UBN2: variants seen among roughly 807,000 people sequenced by gnomAD.
The protein encoded by UBN2 is ubinuclein 2.
A neutral mutation model predicts 120.2 loss-of-function variants in UBN2; 35 were observed. That is an observed-to-expected ratio of 0.29 (90% CI 0.22 to 0.39). The LOEUF (loss-of-function observed/expected upper bound fraction) is 0.39, where lower values mean the gene tolerates loss of function less well. Ranked by LOEUF, UBN2 falls within the 10% of genes least tolerant of loss-of-function variation. UBN2 has a pLI of 1.00. For missense variants in UBN2, 1,693 were observed against 1,663.2 expected (o/e 1.02, Z -0.31); for synonymous variants, 661 against 648.7 (o/e 1.02, Z -0.29).
At chr7:139,247,336 T>C (rs571295972) in intron 2 of UBN2, among the ~76,000 whole-genome samples, 5 of 152,174 alleles carry the variant, frequency 3.3e-5, no homozygotes, top group Non-Finnish European at 5.9e-5. Context: ...TGAACAAAAT[T>C]GGAATGTCAA....
intron 9 of UBN2, among the ~76,000 whole-genome samples, chr7:139,272,645 G>A (rs1797316104): frequency 6.6e-6 from 1 of 152,070 alleles, no homozygotes; most frequent in Admixed American, 6.6e-5. Context: ...TCCTGCCTCA[G>A]CCTCACAAGT....
chr7:139,293,268 C>A lies in UBN2; in HGVS notation c.3706C>A (p.Pro1236Thr). The A allele has an allele frequency of 6.2e-7, 1 of 1,614,226 alleles. No homozygotes were observed. The highest frequency in any genetic ancestry group is 2.2e-5 in the East Asian group (1 of 44,894). ...AGCATCATTATTGGCTAATGCCTCA[C>A]CTCTGACTCTCATGACATCACCTTT... ...AGASLLANAS[P>T]LTLMTSPLSV... Residue 1236 changes from proline (P) to threonine (T), a missense_variant, in exon 16 of 18, where the codon CCT becomes ACT. By Grantham distance (38) the Pro-to-Thr change is conservative (BLOSUM62 -1). Coordinates refer to ENST00000473989, the MANE Select transcript of UBN2 (RefSeq NM_173569.4).
intron 2 of UBN2, among the ~76,000 whole-genome samples, chr7:139,239,777 G>A (rs1333964835): frequency 1.3e-5 from 2 of 151,984 alleles, no homozygotes; most frequent in African/African-American, 4.8e-5. Context: ...GGCTGGTCTC[G>A]AACTCCTGAT....
chr7:139,273,606 A>G (rs1797354657), intron 10 of UBN2, among the ~76,000 whole-genome samples, 196 bp downstream of exon 10: 1 of 152,222 alleles, frequency 6.6e-6, no homozygotes, highest in Admixed American at 6.5e-5. Context: ...TATACACTGT[A>G]ATACTTTTTA....
intron 8 of UBN2, among the ~76,000 whole-genome samples, chr7:139,270,476 A>G (rs188792460): frequency 5.2e-4 from 79 of 152,212 alleles, no homozygotes; most frequent in African/African-American, 1.8e-3. Context: ...CATGTTGGCC[A>G]GGCTGGGGTC....
chr7:139,298,231 A>G lies in UBN2; in HGVS notation c.*395A>G, dbSNP rs889530649. The G allele has an allele frequency of 2.2e-5, 4 of 178,190 alleles. No homozygotes were observed. The highest frequency in any genetic ancestry group is 5.8e-5 in the Admixed American group (1 of 17,180). 11.0% of individuals were successfully genotyped at this position (178,190 alleles called of 1,614,324 possible). A position where few individuals can be genotyped will look rare whatever the true frequency, so the allele number is the denominator to read the frequency against. On this transcript the variant is annotated 3_prime_UTR_variant, in exon 18 of 18. Coordinates refer to ENST00000473989, the MANE Select transcript of UBN2 (RefSeq NM_173569.4). The stretch of plus-strand genomic sequence containing the variant: ...CTGAACACTTACAGACATAATTGGT[A>G]ATAAAAGGCATTAAAAACTGGAATT...
chr7:139,251,657 T>C (rs1459582282), intron 2 of UBN2, among the ~76,000 whole-genome samples: 1 of 152,244 alleles, frequency 6.6e-6, no homozygotes, highest in Non-Finnish European at 1.5e-5. Context: ...GTGCAGTTTT[T>C]ATCACAGATC....
intron 2 of UBN2, among the ~76,000 whole-genome samples, chr7:139,237,855 T>C (rs1796207676): frequency 1.3e-5 from 2 of 152,124 alleles, no homozygotes; most frequent in South Asian, 4.2e-4. Context: ...TGAGAGTGAA[T>C]GTGTGTACTT....
chr7:139,240,133 CTT>C (rs1350065384), intron 2 of UBN2, among the ~76,000 whole-genome samples: 2 of 151,940 alleles, frequency 1.3e-5, no homozygotes, highest in Non-Finnish European at 2.9e-5. Flanking sequence ...AAATATTACT[CTT>C]GTTATAGTCT....
rs377364557 is a variant in UBN2 at position 139,236,867 on chromosome 7, C to G, written c.469-138C>G. The G allele has an allele frequency of 1.2e-4, 48 of 403,368 alleles. No individual in the cohort carries two copies. The South Asian group carries it at 1.8e-3, about 15-fold the overall frequency. 25.0% of individuals were successfully genotyped at this position (403,368 alleles called of 1,614,324 possible). ...TTATATAACATGTTATATATTCTCA[C>G]TAGTTTATTTCCTTTCAGATCACAT... On this transcript the variant is annotated intron_variant, in intron 1 of 17. Coordinates refer to ENST00000473989, the MANE Select transcript of UBN2 (RefSeq NM_173569.4).
chr7:139,243,720 T>C (rs1455793416), intron 2 of UBN2, among the ~76,000 whole-genome samples: 2 of 152,144 alleles, frequency 1.3e-5, no homozygotes, highest in African/African-American at 2.4e-5. Flanking sequence ...AAAAGCAAAC[T>C]GTACCTAGAA....
chr7:139,259,513 A>G, intron 5 of UBN2, 143 bp downstream of exon 5: 6 of 1,160,426 alleles, frequency 5.2e-6, no homozygotes, highest in Non-Finnish European at 7.1e-6. Flanking sequence ...CTTATGTTTA[A>G]TAGTATTGTA....
chr7:139,293,277 C>T lies in UBN2; in HGVS notation c.3715C>T (p.Leu1239Phe). ...SLLANASPLT[L>F]MTSPLSVTNQ... The stretch of plus-strand genomic sequence containing the variant: ...ATTGGCTAATGCCTCACCTCTGACT[C>T]TCATGACATCACCTTTGTCTGTAAC... Residue 1239 changes from leucine (L) to phenylalanine (F), a missense_variant, in exon 16 of 18, where the codon CTC becomes TTC. This residue lies in a region of UBN2 where 837 missense variants were observed against 817.6 expected (regional missense o/e 1.02). Coordinates refer to ENST00000473989, the MANE Select transcript of UBN2 (RefSeq NM_173569.4). The T allele has an allele frequency of 5.6e-6, 9 of 1,614,226 alleles. No individual in the cohort carries two copies. The highest frequency in any genetic ancestry group is 7.6e-6 in the Non-Finnish European group (9 of 1,180,032).
At chr7:139,277,319 C>G (rs1563219633) in intron 12 of UBN2, 1 of 152,194 alleles carries the variant, frequency 6.6e-6, no homozygotes, top group Non-Finnish European at 1.5e-5. Flanking sequence ...AGTCAGAAAT[C>G]CATGTGTAAC....
chr7:139,236,288 T>C (rs1796161186), intron 1 of UBN2, among the ~76,000 whole-genome samples: 1 of 152,192 alleles, frequency 6.6e-6, no homozygotes, highest in Non-Finnish European at 1.5e-5. Flanking sequence ...TGTAATCTTT[T>C]TGCAGCTATT....
intron 13 of UBN2, among the ~76,000 whole-genome samples, chr7:139,281,170 A>T (rs952889844): frequency 6.6e-6 from 1 of 152,206 alleles, no homozygotes; most frequent in Non-Finnish European, 1.5e-5. Context: ...TTAAATTCTG[A>T]TACTGGTTGT....
chr7:139,234,186 A>G (rs1452674876), intron 1 of UBN2, among the ~76,000 whole-genome samples: 1 of 152,140 alleles, frequency 6.6e-6, no homozygotes, highest in Non-Finnish European at 1.5e-5. Flanking sequence ...GTGGTTCCCA[A>G]AATTAGAAGA....
chr7:139,327,147 C>T, the UBN2 span, among the ~76,000 whole-genome samples: 2 of 152,224 alleles, frequency 1.3e-5, no homozygotes, highest in African/African-American at 4.8e-5. Context: ...GATTATCCTG[C>T]CTCAGCCTCC....
At position 139,301,392 on chromosome 7, in the gene UBN2, AT is replaced by A. The variant is rs1413923870; in HGVS notation, c.*3560del. 2.0e-5 allele frequency: 3 copies of A among 152,162 alleles called. No homozygotes were observed. Among genetic ancestry groups the A allele is most frequent in the African/African-American group, 7.2e-5 (3 of 41,446 alleles). The allele number at this position is 152,162 out of a possible 1,614,324, so 9.4% of individuals were successfully genotyped here. A position where few individuals can be genotyped will look rare whatever the true frequency, so the allele number is the denominator to read the frequency against. On this transcript the variant is annotated 3_prime_UTR_variant, in exon 18 of 18. Coordinates refer to ENST00000473989, the MANE Select transcript of UBN2 (RefSeq NM_173569.4). The stretch of plus-strand genomic sequence containing the variant: ...TTTCCACCTATACTTGGTTCAAGAC[AT>A]TTTCTGAAACGAAAATTCTGCTGTT...
Sources: allele counts gnomAD v4.1 joint callset (sites outside exome capture counted in the v4.1 genomes callset), GRCh38; gene constraint gnomAD v4.1.1; regional missense constraint gnomAD v4.1.1; transcripts MANE v1.5; gene names NCBI Gene and HGNC (gene_info 2026-07-23, HGNC 2026-07-21).